NAALADL2: variants seen among roughly 807,000 people sequenced by gnomAD.
The protein encoded by NAALADL2 is N-acetylated alpha-linked acidic dipeptidase like 2, also known as inactive N-acetylated-alpha-linked acidic dipeptidase-like protein 2.
In NAALADL2, 76 loss-of-function variants were observed where a neutral mutation model predicts 87.2. The observed-to-expected ratio is 0.87, with a 90% confidence interval of 0.72 to 1.05. The LOEUF is 1.05. Ranked by LOEUF, NAALADL2 falls within the 50% of genes least tolerant of loss-of-function variation. NAALADL2 has a pLI of 0.00. For synonymous variants in NAALADL2, 354 were observed against 331.0 expected, an observed-to-expected ratio of 1.07 and a Z score of -0.75; for missense variants, 1,089 against 945.8, an observed-to-expected ratio of 1.15 and a Z score of -1.99.
intron 2 of NAALADL2, among the ~76,000 whole-genome samples, chr3:175,182,644 G>T (rs1736756519): frequency 7.5e-6 from 1 of 132,646 alleles, no homozygotes; most frequent in Admixed American, 9.3e-5. Context: ...TGACCCTCCT[G>T]CCTCAGCCTC....
intron 5 of NAALADL2, among the ~76,000 whole-genome samples, chr3:175,415,218 G>A (rs1395902555): frequency 6.6e-6 from 1 of 152,004 alleles, no homozygotes; most frequent in Non-Finnish European, 1.5e-5. Context: ...AAGTAATTGT[G>A]GTTTTTGTCA....
chr3:175,416,848 G>T (rs2149108038), intron 5 of NAALADL2, among the ~76,000 whole-genome samples: 1 of 152,066 alleles, frequency 6.6e-6, no homozygotes, highest in East Asian at 1.9e-4. Context: ...TATGATACGT[G>T]AATGTATGTG....
At chr3:175,418,427 G>A (rs1034359307) in intron 5 of NAALADL2, among the ~76,000 whole-genome samples, 6 of 152,138 alleles carry the variant, frequency 3.9e-5, no homozygotes, top group Non-Finnish European at 7.4e-5. Flanking sequence ...TGAGTAATCT[G>A]TGGTTGTATT....
Position 175,294,295 on chromosome 3 carries a change from C to T in NAALADL2, c.940-29880C>T, listed in dbSNP as rs1176733403. On this transcript the variant is annotated intron_variant, in intron 4 of 13. Coordinates refer to ENST00000454872, the MANE Select transcript of NAALADL2 (RefSeq NM_207015.3). ...GATTTAATACCTACTTATTTGCTCT[C>T]AAGCTTGCCTGGCCAGCTATGGTGT... 2.0e-5 allele frequency among the ~76,000 whole-genome samples: 3 copies of T among 152,100 alleles called. No homozygotes were observed. In the East Asian group the frequency reaches 5.8e-4, roughly 29 times the overall value.
At chr3:174,488,509 T>C (rs1319230937) in intron 1 of NAALADL2, among the ~76,000 whole-genome samples, 2 of 152,122 alleles carry the variant, frequency 1.3e-5, no homozygotes, top group African/African-American at 4.8e-5. Flanking sequence ...TTTAATGTGC[T>C]GTACAAGACT....
intron 1 of NAALADL2, among the ~76,000 whole-genome samples, chr3:174,998,422 G>A (rs1056597400): frequency 2.6e-5 from 4 of 152,174 alleles, no homozygotes; most frequent in East Asian, 3.9e-4. Context: ...ACTCAAGTTC[G>A]AGAAGAGAAG....
At chr3:175,560,168 G>GT (rs1716037748) in intron 9 of NAALADL2, among the ~76,000 whole-genome samples, 1 of 152,090 alleles carries the variant, frequency 6.6e-6, no homozygotes, top group South Asian at 2.1e-4. Context: ...TTTGTAGGTT[G>GT]TATGTGTCAA....
intron 1 of NAALADL2, among the ~76,000 whole-genome samples, chr3:174,547,106 A>T (rs996174671): frequency 3.9e-5 from 6 of 152,148 alleles, no homozygotes; most frequent in African/African-American, 1.4e-4. Flanking sequence ...ACTTAATTTT[A>T]TAATGTGGGA....
intron 11 of NAALADL2, among the ~76,000 whole-genome samples, chr3:175,725,627 G>T (rs1016250990): frequency 6.6e-6 from 1 of 151,974 alleles, no homozygotes; most frequent in Non-Finnish European, 1.5e-5. Context: ...TTAGAAAAGG[G>T]CTTGGAAAAA....
intron 12 of NAALADL2, among the ~76,000 whole-genome samples, chr3:175,754,655 A>G (rs965081396): frequency 5.3e-5 from 8 of 152,184 alleles, no homozygotes; most frequent in African/African-American, 1.9e-4. Flanking sequence ...CTCGGTTTTT[A>G]TTTTCTTCCC....
chr3:175,514,540 T>A (rs1044813534), intron 9 of NAALADL2, among the ~76,000 whole-genome samples: 1 of 152,176 alleles, frequency 6.6e-6, no homozygotes, highest in South Asian at 2.1e-4. Context: ...CAAATTTGGA[T>A]TTGTGATCTC....
Position 175,361,231 on chromosome 3 carries a change from G to A in NAALADL2, c.1090+36906G>A, listed in dbSNP as rs189688653. On this transcript the variant is annotated intron_variant, in intron 5 of 13. Coordinates refer to ENST00000454872, the MANE Select transcript of NAALADL2 (RefSeq NM_207015.3). ...TTATGGCTGCATAGTATTCCATGGTGTATATGTGCCACATTTTCTTAATCC... is the reference window on the plus strand; with the variant it reads ...TTATGGCTGCATAGTATTCCATGGTATATATGTGCCACATTTTCTTAATCC... 1.5e-3 allele frequency among the ~76,000 whole-genome samples: 223 copies of A among 151,912 alleles called. 2 individuals carry two copies. The highest frequency in any genetic ancestry group is 5.1e-3 in the African/African-American group (211 of 41,494).
At chr3:174,854,835 C>CTT (rs68116968), upstream of NAALADL2, among the ~76,000 whole-genome samples, 46 of 112,000 alleles carry the variant, frequency 4.1e-4, no homozygotes, top group Middle Eastern at 5.6e-3. Context: ...GCTTTTTTTT[C>CTT]TTTTTTTTTT....
At position 175,097,237 on chromosome 3, in the gene NAALADL2, T is replaced by A. The variant is rs756789784; in HGVS notation, c.491T>A (p.Leu164Ter). 4.3e-6 allele frequency: 7 copies of A among 1,613,298 alleles called. No homozygotes were observed. In the South Asian group the frequency reaches 7.7e-5, roughly 18 times the overall value. The change falls in exon 2 of 14, where the codon TTA becomes TAA. Residue 164 changes from leucine to a stop codon, truncating the protein, a stop_gained. Transcript: ENST00000454872. LOFTEE classifies it high-confidence loss of function. ...TCTTCAGGAACAGTTGATCCTCAGT[T>A]ATATCAAGAGATTCTCAAGACAATC... ...APSSGTVDPQ[L>*]YQEILKTIQA...
intron 1 of NAALADL2, among the ~76,000 whole-genome samples, chr3:174,963,090 G>T (rs1019756763): frequency 2.0e-5 from 3 of 151,956 alleles, no homozygotes; most frequent in Non-Finnish European, 2.9e-5. Context: ...ATCCATAAAT[G>T]CAGGGCCTGC....
rs114624842 is a variant in NAALADL2, at chr3:175,393,858, C to T, written c.1091-53371C>T. Among the ~76,000 whole-genome samples, 785 of 152,286 alleles carry T rather than the reference C, an allele frequency of 5.2e-3. 2 individuals carry two copies. The highest frequency in any genetic ancestry group is 8.9e-3 in the Non-Finnish European group (605 of 68,022). ...ATTGTCCTAAAAATGTCTTTGGTAGCTATGTCTTCAACCCAACCAGTCCCC... is the reference window on the plus strand; with the variant it reads ...ATTGTCCTAAAAATGTCTTTGGTAGTTATGTCTTCAACCCAACCAGTCCCC... On this transcript the variant is annotated intron_variant, in intron 5 of 13. Coordinates refer to ENST00000454872, the MANE Select transcript of NAALADL2 (RefSeq NM_207015.3).
intron 1 of NAALADL2, among the ~76,000 whole-genome samples, chr3:175,050,343 G>T (rs61676703): frequency 6.6e-6 from 1 of 151,610 alleles, no homozygotes; most frequent in Non-Finnish European, 1.5e-5. Context: ...GCTCACTGCA[G>T]CCTCTGCCTC....
intron 2 of NAALADL2, among the ~76,000 whole-genome samples, chr3:174,609,518 T>C (rs1260205294): frequency 5.9e-5 from 9 of 151,936 alleles, no homozygotes; most frequent in African/African-American, 1.9e-4. Flanking sequence ...TATACACCAA[T>C]AACAGACAAA....
chr3:175,123,535 C>G (rs1475051700), intron 2 of NAALADL2, among the ~76,000 whole-genome samples: 1 of 151,920 alleles, frequency 6.6e-6, no homozygotes, highest in East Asian at 1.9e-4. Flanking sequence ...GGCTTCAGGT[C>G]ATGACCTGGC....
Sources: gnomAD v4.1 joint callset for allele counts (sites outside exome capture counted in the v4.1 genomes callset) on GRCh38, gnomAD v4.1.1 for gene constraint, MANE v1.5 for transcripts, NCBI Gene and HGNC (gene_info 2026-07-23, HGNC 2026-07-21) for gene names.